The following TBX3 variants were observed in gnomAD, a reference collection of about 807,000 sequenced individuals.
TBX3 encodes the protein T-box transcription factor TBX3.
Under a neutral mutation model 47.8 loss-of-function variants are expected in TBX3, and 11 were observed. The observed-to-expected ratio is 0.23, with a 90% CI of 0.14 to 0.38. The LOEUF is 0.38. Ranked by LOEUF, TBX3 falls within the 10% of genes least tolerant of loss-of-function variation. The pLI, the probability that TBX3 is intolerant of heterozygous loss-of-function variation, is 1.00. For synonymous variants in TBX3, 500 were observed against 449.3 expected, an observed-to-expected ratio of 1.11 and a Z score of -1.43; for missense variants, 927 against 1,022.8, an observed-to-expected ratio of 0.91 and a Z score of 1.28.
chr12:114,679,491 C>G lies in TBX3; in HGVS notation c.804+14G>C. ...AAAATATCACCATTAAAAAGGAAAG[C>G]CCCTTGAGTTTACCTTATCATTCTG... On this transcript the variant is annotated intron_variant, in intron 3 of 6. Coordinates refer to ENST00000349155, the MANE Select transcript of TBX3 (RefSeq NM_005996.4). 1 of 1,614,124 alleles carries G rather than the reference C, an allele frequency of 6.2e-7. No homozygotes were observed.
At position 114,674,838 on chromosome 12, in the gene TBX3, A is replaced by G. The variant is rs1868637974; in HGVS notation, c.1040-3T>C. The G allele has an allele frequency of 6.4e-7, 1 of 1,564,896 alleles. No homozygotes were observed. The highest frequency in any genetic ancestry group is 8.6e-7 in the Non-Finnish European group (1 of 1,161,860). The stretch of plus-strand genomic sequence containing the variant: ...CTCACCCTCGCTGGGACATAAATCT[A>G]CCACAGGCGAAGGAAAAAACCAAGG... On this transcript the variant is annotated splice_polypyrimidine_tract_variant and splice_region_variant and intron_variant, in intron 5 of 6. Transcript: ENST00000349155.
In TBX3 at chr12:114,674,073, C is replaced by T. The variant is rs1379086446; in HGVS notation, c.1710+92G>A. The stretch of plus-strand genomic sequence containing the variant: ...AGTAAAAATTATTACAGCTACTAGG[C>T]CAAAGGGATCGGGTGAGGGTCTGCT... On this transcript the variant is annotated intron_variant, in intron 6 of 6. Coordinates refer to ENST00000349155, the MANE Select transcript of TBX3 (RefSeq NM_005996.4). 3 of 1,495,334 alleles carry T rather than the reference C, an allele frequency of 2.0e-6. No individual in the cohort carries two copies. In the African/African-American group the frequency reaches 4.2e-5, roughly 21 times the overall value. 92.6% of individuals were successfully genotyped at this position (1,495,334 alleles called of 1,614,324 possible). A position where few individuals can be genotyped will look rare whatever the true frequency, so the allele number is the denominator to read the frequency against.
intron 1 of TBX3, 126 bp downstream of exon 1, chr12:114,682,686 A>G: frequency 3.4e-6 from 5 of 1,464,584 alleles, no homozygotes; most frequent in Non-Finnish European, 4.7e-6. Flanking sequence ...CTGTGCATAC[A>G]TTTCTAGGGG....
chr12:114,674,475 T>C lies in TBX3; in HGVS notation c.1400A>G (p.Asp467Gly), dbSNP rs1178166072. The change falls in exon 6 of 7, where the codon GAC becomes GGC. Residue 467 changes from aspartate to glycine, a missense_variant. Around this residue, in one of 5 missense-constraint regions of TBX3, gnomAD observed 623 missense variants for 569.0 expected, o/e 1.09. Transcript: ENST00000349155. ...EAFAPLTVQT[D>G]AAAAHLAQGP... ...CTGGGCCAGGTGCGCGGCGGCCGCG[T>C]CCGTCTGCACCGTGAGCGGCGCGAA... The C allele has an allele frequency of 6.5e-7, 1 of 1,539,770 alleles. No individual in the cohort carries two copies. The highest frequency in any genetic ancestry group is 1.4e-5 in the African/African-American group (1 of 72,610).
rs1006993913 is a variant in TBX3 at position 114,682,993 on chromosome 12, C to G, written c.208G>C (p.Gly70Arg). The change falls in exon 1 of 7, where the codon GGG becomes CGG. Residue 70 changes from glycine (G) to arginine (R), a missense_variant. By Grantham distance (125) the Gly-to-Arg change is moderately radical. Around this residue, in one of 5 missense-constraint regions of TBX3, gnomAD observed 216 missense variants for 281.2 expected, o/e 0.77. Transcript: ENST00000349155. ...LAKPIMDQLV[G>R]AAETGIPFSS... is the part of the protein sequence containing the mutation. ...AACGGGATGCCGGTCTCGGCCGCCC[C>G]CACCAATTGATCCATGATCGGCTTG... 42 of 1,614,024 alleles carry G rather than the reference C, an allele frequency of 2.6e-5. No individual in the cohort carries two copies. Among genetic ancestry groups the G allele is most frequent in the Non-Finnish European group, 3.6e-5 (42 of 1,179,976 alleles).
intron 3 of TBX3, among the ~76,000 whole-genome samples, chr12:114,679,007 A>G (rs1000679028): frequency 6.6e-6 from 1 of 152,152 alleles, no homozygotes; most frequent in African/African-American, 2.4e-5. Flanking sequence ...CACACACATC[A>G]TAACACAGCA....
intron 2 of TBX3, chr12:114,679,883 G>C (rs1337529346): frequency 6.2e-7 from 1 of 1,611,624 alleles, no homozygotes. Flanking sequence ...CACCATCTAA[G>C]GATCATTCAT....
Position 114,671,979 on chromosome 12 carries a change from C to G in TBX3, c.2034G>C (p.Thr678=), listed in dbSNP as rs746105981. ...SGSELNSRSS[T]LSSSSMSLSP... ...ACAAGGACATGGAGCTGGAGGAGAG[C>G]GTGGAGGAGCGGCTGTTGAGTTCAG... Residue 678 remains threonine (T), a synonymous_variant, in exon 7 of 7, where the codon ACG becomes ACC. Coordinates refer to ENST00000349155, the MANE Select transcript of TBX3 (RefSeq NM_005996.4). 1 of 1,601,182 alleles carries G rather than the reference C, an allele frequency of 6.2e-7. No homozygotes were observed. Among genetic ancestry groups the G allele is most frequent in the African/African-American group, 1.3e-5 (1 of 74,706 alleles).
intron 3 of TBX3, 138 bp downstream of exon 3, chr12:114,679,367 C>T: frequency 8.1e-7 from 1 of 1,241,176 alleles, no homozygotes. Flanking sequence ...TCCTTTCCCC[C>T]CAAATGCTCC....
At chr12:114,680,035 A>C in intron 2 of TBX3, 1 of 1,557,654 alleles carries the variant, frequency 6.4e-7, no homozygotes, top group Non-Finnish European at 8.8e-7. Context: ...TTAAGCGCCC[A>C]CTAATTGACG....
rs1454979468 is a variant in TBX3, at chr12:114,672,336, C to T, written c.1711-34G>A. On this transcript the variant is annotated intron_variant, in intron 6 of 6. Coordinates refer to ENST00000349155, the MANE Select transcript of TBX3 (RefSeq NM_005996.4). ...AGAAAAGAGACACACAGCGAGTCAGCCGGGTGGGAGGAGCTTATCTCATCC... is the reference window on the plus strand; with the variant it reads ...AGAAAAGAGACACACAGCGAGTCAGTCGGGTGGGAGGAGCTTATCTCATCC... 2.0e-6 allele frequency: 3 copies of T among 1,495,038 alleles called. No homozygotes were observed. In the African/African-American group the frequency reaches 4.2e-5, roughly 21 times the overall value. The allele number at this position is 1,495,038 out of a possible 1,614,324, so 92.6% of individuals were successfully genotyped here.
In TBX3 at chr12:114,676,730, G is replaced by A. The variant is rs10161431; in HGVS notation, c.882-260C>T. ...GCTTCAGTTGCATTTATTCAAGATG[G>A]GGTTTCATTAGGAAAAGGCATTTGC... On this transcript the variant is annotated intron_variant, in intron 4 of 6. Coordinates refer to ENST00000349155, the MANE Select transcript of TBX3 (RefSeq NM_005996.4). Among the ~76,000 whole-genome samples, 14,447 of 152,214 alleles carry A rather than the reference G, an allele frequency of 0.095. 1,139 individuals carry two copies. Among genetic ancestry groups the A allele is most frequent in the African/African-American group, 0.22 (8,994 of 41,508 alleles).
At chr12:114,675,506 C>A (rs1048187192) in intron 5 of TBX3, among the ~76,000 whole-genome samples, 2 of 152,196 alleles carry the variant, frequency 1.3e-5, no homozygotes, top group African/African-American at 4.8e-5. Flanking sequence ...TTTTACCACA[C>A]CCTCTGTGGG....
chr12:114,671,858 G>A lies in TBX3; in HGVS notation c.2155C>T (p.Arg719Cys), dbSNP rs770230836. 1.3e-6 allele frequency: 2 copies of A among 1,558,558 alleles called. No homozygotes were observed. Among genetic ancestry groups the A allele is most frequent in the Non-Finnish European group, 8.7e-7 (1 of 1,151,882 alleles). ...GGACGGGTCTACGGGGACGCGCTGC[G>A]GGACCTGTCCGGCTTGGCTTCCAAG... ...SGLEAKPDRS[R>C]SASP The change falls in exon 7 of 7, where the codon CGC becomes TGC. Residue 719 changes from arginine to cysteine, a missense_variant. Arg to Cys is a radical substitution (Grantham distance 180). Transcript: ENST00000349155.
At chr12:114,681,224 TA>T in intron 1 of TBX3, 78 bp from the exon 2 acceptor site, 1 of 1,573,646 alleles carries the variant, frequency 6.4e-7, no homozygotes, top group Non-Finnish European at 8.7e-7. Context: ...ATGTATCACA[TA>T]ATATTGAAAC....
At chr12:114,676,273 G>T in intron 5 of TBX3, 40 bp downstream of exon 5, 1 of 1,611,826 alleles carries the variant, frequency 6.2e-7, no homozygotes, top group Non-Finnish European at 8.5e-7. Context: ...CAGGCCACGA[G>T]GGACTGGAGT....
In TBX3 at chr12:114,674,425, C is replaced by T. The variant is rs780531262; in HGVS notation, c.1450G>A (p.Ala484Thr). 17 of 1,549,304 alleles carry T rather than the reference C, an allele frequency of 1.1e-5. No individual in the cohort carries two copies. The Middle Eastern group carries it at 5.1e-4, about 47-fold the overall frequency. ...AACTGTTGGCCCGCCAGGCCCGGGGCGAAGCCGAGGCCAGGCAGGGGGCCC... is the reference window on the plus strand; with the variant it reads ...AACTGTTGGCCCGCCAGGCCCGGGGTGAAGCCGAGGCCAGGCAGGGGGCCC... ...AQGPLPGLGF[A>T]PGLAGQQFFN... is the part of the protein sequence containing the mutation. Residue 484 changes from alanine to threonine, a missense_variant, in exon 6 of 7, where the codon GCC becomes ACC. Around this residue, in one of 5 missense-constraint regions of TBX3, gnomAD observed 623 missense variants for 569.0 expected, o/e 1.09. Coordinates refer to ENST00000349155, the MANE Select transcript of TBX3 (RefSeq NM_005996.4).
rs1868398612 is a variant in TBX3, at chr12:114,671,083, CTTTAAATCCCCCCCTCCCT to C, written c.*739_*757del. On this transcript the variant is annotated 3_prime_UTR_variant, in exon 7 of 7. Coordinates refer to ENST00000349155, the MANE Select transcript of TBX3 (RefSeq NM_005996.4). ...TTTATGTGTTTTGCCCACTCCTTCC[CTTTAAATCCCCCCCTCCCT>C]TGGGTCACTGATTTGAGGGCAAAGG... 4.8e-6 allele frequency: 1 copy of C among 209,110 alleles called. No homozygotes were observed. Among genetic ancestry groups the C allele is most frequent in the Non-Finnish European group, 9.7e-6 (1 of 102,884 alleles). 13.0% of individuals were successfully genotyped at this position (209,110 alleles called of 1,614,324 possible).
chr12:114,680,231 G>A (rs1868868399), intron 2 of TBX3: 1 of 519,630 alleles, frequency 1.9e-6, no homozygotes. Flanking sequence ...TTGAAATGTT[G>A]GGGAGGGGTA....
Sources: gnomAD v4.1 joint callset for allele counts (sites outside exome capture counted in the v4.1 genomes callset) on GRCh38, gnomAD v4.1.1 for gene constraint, gnomAD v4.1.1 regional missense constraint, MANE v1.5 for transcripts, NCBI Gene and HGNC (gene_info 2026-07-23, HGNC 2026-07-21) for gene names.